The following CTNND2 variants were observed in gnomAD, a reference collection of about 807,000 sequenced individuals.
The protein encoded by CTNND2 is catenin delta-2.
In CTNND2, 22 loss-of-function variants were observed where a neutral mutation model predicts 144.4. The observed-to-expected ratio is 0.15, with a 90% CI of 0.11 to 0.22. The LOEUF (loss-of-function observed/expected upper bound fraction) is 0.22. CTNND2 is among the 10% of genes least tolerant of loss of function. CTNND2 has a pLI of 1.00. For synonymous variants in CTNND2, 751 were observed against 695.6 expected (o/e 1.08, Z -1.25); for missense variants, 1,353 against 1,618.8 (o/e 0.84, Z 2.82).
At chr5:11,468,988 T>C (rs371873937) in intron 3 of CTNND2, among the ~76,000 whole-genome samples, 3 of 152,270 alleles carry the variant, frequency 2.0e-5, no homozygotes, top group African/African-American at 7.2e-5. Flanking sequence ...GCAGGTCATA[T>C]ATAACTCTCT....
chr5:11,736,585 GCCC>G (rs368180228), intron 1 of CTNND2, among the ~76,000 whole-genome samples: 7 of 152,262 alleles, frequency 4.6e-5, no homozygotes, highest in African/African-American at 1.7e-4. Flanking sequence ...CAAAAGACCT[GCCC>G]CAGTGAATCC....
chr5:11,151,752 G>A (rs1221246416), intron 12 of CTNND2, among the ~76,000 whole-genome samples: 1 of 152,182 alleles, frequency 6.6e-6, no homozygotes, highest in African/African-American at 2.4e-5. Context: ...AAAGGGAATA[G>A]CATGATGGGG....
chr5:11,013,652 C>T (rs780535363), intron 18 of CTNND2, among the ~76,000 whole-genome samples: 1 of 152,184 alleles, frequency 6.6e-6, no homozygotes, highest in Admixed American at 6.5e-5. Context: ...TGGATGATTA[C>T]AGTTACCCCA....
intron 9 of CTNND2, among the ~76,000 whole-genome samples, chr5:11,319,244 A>G (rs972956039): frequency 6.6e-6 from 1 of 152,204 alleles, no homozygotes; most frequent in African/African-American, 2.4e-5. Context: ...AAGCTTCAAC[A>G]GAACAGAAAC....
intron 1 of CTNND2, among the ~76,000 whole-genome samples, chr5:11,810,699 G>T (rs1181237226): frequency 6.6e-6 from 1 of 152,074 alleles, no homozygotes; most frequent in East Asian, 1.9e-4. Flanking sequence ...GCAATTACTG[G>T]CATGTGTACA....
In CTNND2 at chr5:11,022,759, G is replaced by A; in HGVS notation, c.2999+10C>T. On this transcript the variant is annotated intron_variant, in intron 17 of 21. Coordinates refer to ENST00000304623, the MANE Select transcript of CTNND2 (RefSeq NM_001332.4). Reference sequence around the variant, plus strand: ...CCAGGACAGAGATATGGCGTCACCAGGTAACTTACTTATCTCCTTTGCTTT... The same window carrying A: ...CCAGGACAGAGATATGGCGTCACCAAGTAACTTACTTATCTCCTTTGCTTT... 1 of 1,610,444 alleles carries A rather than the reference G, an allele frequency of 6.2e-7. No individual in the cohort carries two copies. Among genetic ancestry groups the A allele is most frequent in the Non-Finnish European group, 8.5e-7 (1 of 1,177,320 alleles).
chr5:11,613,322 T>C (rs896561008), intron 2 of CTNND2, among the ~76,000 whole-genome samples: 2 of 152,226 alleles, frequency 1.3e-5, no homozygotes, highest in African/African-American at 4.8e-5. Context: ...ATGACACTTA[T>C]TGAAGCTTAA....
rs962586323 is a variant in CTNND2, at chr5:11,384,600, G to T, written c.1177+65C>A. 8.5e-5 allele frequency: 125 copies of T among 1,475,626 alleles called. No individual in the cohort carries two copies. Among genetic ancestry groups the T allele is most frequent in the Non-Finnish European group, 1.1e-4 (122 of 1,099,368 alleles). The allele number at this position is 1,475,626 out of a possible 1,614,324, so 91.4% of individuals were successfully genotyped here. ...CCGGCTTCGCTTCTGCTCAAGCCGG[G>T]CTGCTGCTTCCGCGTCCCCGCCACG... On this transcript the variant is annotated intron_variant, in intron 7 of 21. Transcript: ENST00000304623. The surrounding 1 kb of genome is among the most constrained non-coding windows in gnomAD (Gnocchi z 5.2).
At chr5:11,605,017 T>A (rs1478272825) in intron 2 of CTNND2, among the ~76,000 whole-genome samples, 2 of 152,208 alleles carry the variant, frequency 1.3e-5, no homozygotes, top group African/African-American at 4.8e-5. Context: ...CCAGGATTCC[T>A]TGGAGAGGTT....
At chr5:11,713,580 T>C (rs1786158648) in intron 2 of CTNND2, among the ~76,000 whole-genome samples, 1 of 92,416 alleles carries the variant, frequency 1.1e-5, no homozygotes, top group African/African-American at 5.7e-5. Flanking sequence ...TGAGACTCCA[T>C]CTCAAAAAAA....
chr5:11,419,064 A>C (rs62337477), intron 3 of CTNND2, among the ~76,000 whole-genome samples: 69 of 113,436 alleles, frequency 6.1e-4, no homozygotes, highest in African/African-American at 2.6e-3. Context: ...ATATAGATAT[A>C]TATATAGAGA....
intron 10 of CTNND2, among the ~76,000 whole-genome samples, chr5:11,201,846 C>T (rs1737474365): frequency 6.6e-6 from 1 of 152,150 alleles, no homozygotes; most frequent in African/African-American, 2.4e-5. Context: ...CAGTTCTACC[C>T]AGGGCTTGCT....
intron 2 of CTNND2, among the ~76,000 whole-genome samples, chr5:11,650,519 G>C (rs1335989972): frequency 6.6e-6 from 1 of 152,218 alleles, no homozygotes; most frequent in Non-Finnish European, 1.5e-5. Flanking sequence ...GGTTGGACTA[G>C]TTTGAAGGGG....
intron 1 of CTNND2, among the ~76,000 whole-genome samples, chr5:11,853,046 T>C (rs1795089935): frequency 6.6e-6 from 1 of 152,176 alleles, no homozygotes; most frequent in Non-Finnish European, 1.5e-5. Context: ...AATCAAAGCC[T>C]GTCAAAATTG....
At chr5:10,976,782 T>C (rs1315391697) in intron 21 of CTNND2, among the ~76,000 whole-genome samples, 5 of 152,254 alleles carry the variant, frequency 3.3e-5, no homozygotes, top group African/African-American at 9.6e-5. Flanking sequence ...CTGGATTTAT[T>C]TTGAACACAA....
At chr5:11,181,840 ATG>A (rs1735029419) in intron 11 of CTNND2, among the ~76,000 whole-genome samples, 3 of 65,170 alleles carry the variant, frequency 4.6e-5, no homozygotes, top group South Asian at 1.3e-3. Flanking sequence ...TATGTGTGGC[ATG>A]TGTGTGTGGA....
chr5:11,343,384 T>C (rs1328523893), intron 9 of CTNND2, among the ~76,000 whole-genome samples: 1 of 152,148 alleles, frequency 6.6e-6, no homozygotes, highest in Non-Finnish European at 1.5e-5. Context: ...AAAAATAAGG[T>C]AGATGCCGGA....
chr5:11,734,086 C>T (rs1228306865), intron 1 of CTNND2, among the ~76,000 whole-genome samples: 1 of 152,152 alleles, frequency 6.6e-6, no homozygotes, highest in Non-Finnish European at 1.5e-5. Flanking sequence ...CATCTATAAA[C>T]CAGAAAGTCG....
At chr5:11,187,922 G>C (rs1414691930) in intron 11 of CTNND2, among the ~76,000 whole-genome samples, 1 of 152,182 alleles carries the variant, frequency 6.6e-6, no homozygotes, top group Non-Finnish European at 1.5e-5. Flanking sequence ...ATACCAGTTA[G>C]AATGGTGATT....
Sources: gnomAD v4.1 joint callset for allele counts (sites outside exome capture counted in the v4.1 genomes callset) on GRCh38, gnomAD v4.1.1 for gene constraint, Gnocchi (gnomAD v3.1) non-coding constraint, MANE v1.5 for transcripts, NCBI Gene and HGNC (gene_info 2026-07-23, HGNC 2026-07-21) for gene names.